Variants in ATP2B1 observed in about 807,000 individuals in gnomAD.
ATP2B1 encodes the protein plasma membrane calcium-transporting ATPase 1.
Under a neutral mutation model 124.2 loss-of-function variants are expected in ATP2B1, and 14 were observed. The ratio of observed to expected loss-of-function variants is 0.11; its 90% CI spans 0.07 to 0.18. ATP2B1 has a LOEUF of 0.18. ATP2B1 is among the 10% of genes least tolerant of loss of function. The pLI is 1.00. For synonymous variants in ATP2B1, 449 were observed against 492.4 expected (o/e 0.91, Z 1.17); for missense variants, 763 against 1,466.1 (o/e 0.52, Z 7.83).
chr12:89,700,735 A>G (rs1452706800), intron 1 of ATP2B1, among the ~76,000 whole-genome samples: 1 of 152,124 alleles, frequency 6.6e-6, no homozygotes, highest in East Asian at 1.9e-4. Flanking sequence ...TTGACCAACA[A>G]TTTTATTATG....
chr12:89,615,406 T>C (rs1878788371), intron 12 of ATP2B1, among the ~76,000 whole-genome samples: 1 of 152,186 alleles, frequency 6.6e-6, no homozygotes, highest in Non-Finnish European at 1.5e-5. Flanking sequence ...CCAAGTCTTA[T>C]TCCTCCCAGA....
At chr12:89,692,920 T>C (rs1295306821) in intron 1 of ATP2B1, among the ~76,000 whole-genome samples, 3 of 152,168 alleles carry the variant, frequency 2.0e-5, no homozygotes, top group African/African-American at 2.4e-5. Context: ...TATGGTAAAA[T>C]TGGTTTCGTT....
intron 1 of ATP2B1, among the ~76,000 whole-genome samples, chr12:89,677,309 T>C (rs1888736719): frequency 6.6e-6 from 1 of 152,142 alleles, no homozygotes; most frequent in African/African-American, 2.4e-5. Context: ...TAATTTCAAT[T>C]GTATGCTGGG....
rs1158447379 is a variant in ATP2B1 at position 89,677,967 on chromosome 12, TATATACACAC to T, written c.-221-21870_-221-21861del. 1.6e-3 allele frequency among the ~76,000 whole-genome samples: 88 copies of T among 54,534 alleles called. 5 individuals carry two copies. The highest frequency in any genetic ancestry group is 0.023 in the Middle Eastern group (2 of 86). The allele number at this position is 54,534 out of a possible 152,430, so 35.8% of individuals were successfully genotyped here. On this transcript the variant is annotated intron_variant, in intron 1 of 20. Coordinates refer to ENST00000428670, the MANE Select transcript of ATP2B1 (RefSeq NM_001366521.1). ...GGCATGCAGGAATTATATATATATA[TATATACACAC>T]ACACACACACACACACACACACACA...
At chr12:89,660,641 G>C (rs1259363232) in intron 1 of ATP2B1, among the ~76,000 whole-genome samples, 1 of 152,094 alleles carries the variant, frequency 6.6e-6, no homozygotes, top group Non-Finnish European at 1.5e-5. Flanking sequence ...AGGCTCATCT[G>C]TAAAATAAAG....
chr12:89,673,867 C>T (rs1383356828), intron 1 of ATP2B1, among the ~76,000 whole-genome samples: 1 of 152,126 alleles, frequency 6.6e-6, no homozygotes, highest in Non-Finnish European at 1.5e-5. Flanking sequence ...TCATTCCCTC[C>T]AAAATATAAT....
chr12:89,611,860 T>A (rs1190208627), intron 12 of ATP2B1: 3 of 152,474 alleles, frequency 2.0e-5, no homozygotes, highest in Admixed American at 6.5e-5. Context: ...GACTTTAGAA[T>A]CCACATCCTG....
intron 2 of ATP2B1, among the ~76,000 whole-genome samples, chr12:89,650,704 T>C (rs1885130504): frequency 1.3e-5 from 2 of 152,190 alleles, no homozygotes; most frequent in South Asian, 4.1e-4. Context: ...ATGAATTCCT[T>C]TTTTAATGTA....
intron 1 of ATP2B1, among the ~76,000 whole-genome samples, chr12:89,704,835 T>A (rs1323887331): frequency 6.6e-6 from 1 of 152,140 alleles, no homozygotes; most frequent in Non-Finnish European, 1.5e-5. Context: ...AATTAAAATG[T>A]ATATGCCACT....
At chr12:89,705,696 C>T (rs1292875470) in intron 1 of ATP2B1, among the ~76,000 whole-genome samples, 1 of 152,132 alleles carries the variant, frequency 6.6e-6, no homozygotes, top group Non-Finnish European at 1.5e-5. Context: ...AATTACTCTA[C>T]ATGCAACAAT....
At chr12:89,662,097 G>A (rs548971445) in intron 1 of ATP2B1, among the ~76,000 whole-genome samples, 4 of 150,704 alleles carry the variant, frequency 2.7e-5, no homozygotes, top group Non-Finnish European at 4.4e-5. Flanking sequence ...ATCCATCTTT[G>A]ATCTCCATAT....
chr12:89,592,203 C>G lies in ATP2B1; in HGVS notation c.3352-908G>C, dbSNP rs539006579. On this transcript the variant is annotated intron_variant, in intron 20 of 20. Coordinates refer to ENST00000428670, the MANE Select transcript of ATP2B1 (RefSeq NM_001366521.1). ...ACACTGACATTAAGTGCTATTAACT[C>G]AAGCGTCATTCAGATTTAGAAAAAA... Among the ~76,000 whole-genome samples the G allele has an allele frequency of 1.6e-4, 25 of 152,108 alleles. No homozygotes were observed. The South Asian group carries it at 5.0e-3, about 30-fold the overall frequency.
Position 89,595,964 on chromosome 12 carries a change from C to T in ATP2B1, c.3351+3153G>A, listed in dbSNP as rs140389321. 5.3e-3 allele frequency among the ~76,000 whole-genome samples: 803 copies of T among 152,088 alleles called. 4 individuals are homozygous for T. The highest frequency in any genetic ancestry group is 0.014 in the Admixed American group (211 of 15,244). On this transcript the variant is annotated intron_variant, in intron 20 of 20. Coordinates refer to ENST00000428670, the MANE Select transcript of ATP2B1 (RefSeq NM_001366521.1). Reference sequence around the variant, plus strand: ...TATCTGCTCCCCTAGCCACATGGGCCCAGAAACTCAGAGGTTTCATATGTA... The same window carrying T: ...TATCTGCTCCCCTAGCCACATGGGCTCAGAAACTCAGAGGTTTCATATGTA...
chr12:89,604,824 T>C (rs1396191333), intron 15 of ATP2B1, among the ~76,000 whole-genome samples: 2 of 151,386 alleles, frequency 1.3e-5, no homozygotes, highest in Non-Finnish European at 2.9e-5. Flanking sequence ...GTAGAGAAAG[T>C]AGAAGTAGCC....
At chr12:89,683,081 A>G (rs1472153090) in intron 1 of ATP2B1, among the ~76,000 whole-genome samples, 10 of 152,244 alleles carry the variant, frequency 6.6e-5, no homozygotes, top group Non-Finnish European at 1.5e-5. Context: ...GTTCAACTTC[A>G]CTCAAAAGAG....
intron 13 of ATP2B1, chr12:89,610,778 CATT>C (rs543203854): frequency 4.8e-5 from 19 of 393,274 alleles, no homozygotes; most frequent in Non-Finnish European, 7.3e-5. Context: ...TTTTATATAT[CATT>C]ATGAGACCAA....
intron 15 of ATP2B1, 86 bp downstream of exon 15, chr12:89,609,851 A>G: frequency 8.2e-7 from 1 of 1,224,464 alleles, no homozygotes; most frequent in Non-Finnish European, 1.2e-6. Flanking sequence ...TTTAAAATCC[A>G]TAGTAATTTA....
chr12:89,636,403 A>T (rs904858013), intron 3 of ATP2B1, among the ~76,000 whole-genome samples: 1 of 152,170 alleles, frequency 6.6e-6, no homozygotes, highest in African/African-American at 2.4e-5. Flanking sequence ...GTATGTAGTA[A>T]GGATAAGTAT....
intron 1 of ATP2B1, among the ~76,000 whole-genome samples, chr12:89,702,432 TA>T (rs1891962021): frequency 6.6e-6 from 1 of 152,216 alleles, no homozygotes; most frequent in Non-Finnish European, 1.5e-5. Flanking sequence ...AAAGGTAGAT[TA>T]AAGCAGCAGA....
Sources: allele counts gnomAD v4.1 joint callset (sites outside exome capture counted in the v4.1 genomes callset), GRCh38; gene constraint gnomAD v4.1.1; transcripts MANE v1.5; gene names NCBI Gene and HGNC (gene_info 2026-07-23, HGNC 2026-07-21).